KIFC3: variants seen among roughly 807,000 people sequenced by gnomAD.
The protein encoded by KIFC3 is kinesin family member C3.
A neutral mutation model predicts 101.8 loss-of-function variants in KIFC3; 60 were observed. That is an observed-to-expected ratio of 0.59 (90% CI 0.48 to 0.73). The LOEUF is 0.73. Among genes scored for constraint, KIFC3 ranks in the 30% least tolerant of loss-of-function variants. The pLI is 0.00. For synonymous variants in KIFC3, 476 were observed against 482.7 expected (o/e 0.99, Z 0.18); for missense variants, 966 against 1,137.1 (o/e 0.85, Z 2.16).
At chr16:57,774,803 C>T (rs2051818248) in intron 3 of KIFC3, 8 of 1,115,800 alleles carry the variant, frequency 7.2e-6, no homozygotes, top group African/African-American at 4.8e-5. Flanking sequence ...CTGGGATTAC[C>T]GTTGTGAGCC....
chr16:57,760,652 G>A, intron 16 of KIFC3, 74 bp downstream of exon 16: 1 of 1,367,914 alleles, frequency 7.3e-7, no homozygotes, highest in Non-Finnish European at 1.0e-6. Context: ...TGCACAGCCT[G>A]GGGTGACTGG....
chr16:57,822,419 T>G (rs2055367915), intron 1 of KIFC3, among the ~76,000 whole-genome samples: 1 of 152,180 alleles, frequency 6.6e-6, no homozygotes, highest in Non-Finnish European at 1.5e-5. Flanking sequence ...AATGCCAATG[T>G]GGCTGGGCGC....
intron 12 of KIFC3, among the ~76,000 whole-genome samples, chr16:57,763,887 G>A (rs1555600187): frequency 6.6e-6 from 1 of 152,172 alleles, no homozygotes; most frequent in Non-Finnish European, 1.5e-5. Flanking sequence ...TCCCCAAGCC[G>A]AGATCCCTGT....
At chr16:57,790,380 CTTT>C (rs200519923) in intron 3 of KIFC3, among the ~76,000 whole-genome samples, 3 of 129,228 alleles carry the variant, frequency 2.3e-5, no homozygotes, top group Admixed American at 1.6e-4. Flanking sequence ...CCATGCCCAG[CTTT>C]TTTTTTTTTT....
chr16:57,825,780 C>T (rs2055445895), intron 1 of KIFC3, among the ~76,000 whole-genome samples: 1 of 152,184 alleles, frequency 6.6e-6, no homozygotes. Flanking sequence ...CAGTCTCAAA[C>T]AATCTTTCCA....
chr16:57,809,092 C>T (rs2055008641), intron 1 of KIFC3, among the ~76,000 whole-genome samples: 1 of 152,128 alleles, frequency 6.6e-6, no homozygotes. Context: ...AGGAGTTGGT[C>T]AGCCTGGCCA....
chr16:57,777,446 C>T (rs1160988240), intron 3 of KIFC3, among the ~76,000 whole-genome samples: 4 of 152,220 alleles, frequency 2.6e-5, no homozygotes, highest in South Asian at 2.1e-4. Context: ...ATTGGCCAGG[C>T]GCGGTGGCTC....
chr16:57,780,416 T>C (rs948731268), intron 3 of KIFC3, among the ~76,000 whole-genome samples: 4 of 151,630 alleles, frequency 2.6e-5, no homozygotes, highest in Non-Finnish European at 5.9e-5. Context: ...GAGGCTGAAG[T>C]GGGAGAATTC....
In KIFC3 at chr16:57,760,864, GTTGATGTGCTGCGCC is replaced by G; in HGVS notation, c.2079_2093del (p.Glu693_Asn698delinsAsp). On this transcript the variant is annotated inframe_deletion, in exon 16 of 20. Coordinates refer to ENST00000445690, the MANE Select transcript of KIFC3 (RefSeq NM_001130100.2). ...CGTCCCCCAGAGCCGACAGCGACTT[GTTGATGTGCTGCGCC>G]TCCCGCAGGCGGCTGCCCTCGGCCC... The G allele has an allele frequency of 6.2e-7, 1 of 1,612,772 alleles. No homozygotes were observed. The highest frequency in any genetic ancestry group is 1.1e-5 in the South Asian group (1 of 91,086).
chr16:57,816,604 G>T, intron 1 of KIFC3: 1 of 456,712 alleles, frequency 2.2e-6, no homozygotes, highest in Admixed American at 2.3e-5. Context: ...GGTTCCTGAG[G>T]CATCTGCTGA....
At chr16:57,820,293 A>G (rs2055322053) in intron 1 of KIFC3, among the ~76,000 whole-genome samples, 1 of 151,972 alleles carries the variant, frequency 6.6e-6, no homozygotes, top group South Asian at 2.1e-4. Context: ...TTTGAGAGAC[A>G]AGATCTCACT....
chr16:57,769,287 C>T lies in KIFC3; in HGVS notation c.1218+308G>A, dbSNP rs573496965. Among the ~76,000 whole-genome samples, 4 of 152,326 alleles carry T rather than the reference C, an allele frequency of 2.6e-5. No individual in the cohort carries two copies. The highest frequency in any genetic ancestry group is 2.1e-4 in the South Asian group (1 of 4,828). ...CTGACCTCAAGTGATCCGCCTGCCT[C>T]GGCCTCCCAAAGTGTTGGAATTACA... is the stretch of plus-strand genomic sequence containing the variant. On this transcript the variant is annotated intron_variant, in intron 9 of 19. Transcript: ENST00000445690. This position sits in a 1 kb window ranked among gnomAD's most constrained non-coding sequence, Gnocchi z 4.3.
chr16:57,814,144 C>G (rs2055161323), intron 1 of KIFC3, among the ~76,000 whole-genome samples: 3 of 152,144 alleles, frequency 2.0e-5, no homozygotes, highest in Admixed American at 1.3e-4. Context: ...GCCCAGCCTT[C>G]TCTCCCACTG....
At chr16:57,815,382 A>C in intron 1 of KIFC3, 1 of 1,123,328 alleles carries the variant, frequency 8.9e-7, no homozygotes, top group Non-Finnish European at 1.1e-6. Flanking sequence ...CTCTGTGCTT[A>C]GAGATCCACA....
intron 1 of KIFC3, among the ~76,000 whole-genome samples, chr16:57,853,885 G>A (rs1399884309): frequency 1.3e-5 from 2 of 151,984 alleles, no homozygotes; most frequent in East Asian, 1.9e-4. Context: ...CACCCTCCTC[G>A]GCCTCCCAAA....
At chr16:57,816,897 G>C (rs1555628979) in intron 1 of KIFC3, 2 of 379,864 alleles carry the variant, frequency 5.3e-6, no homozygotes, top group Non-Finnish European at 1.0e-5. Context: ...AACCGACCTT[G>C]AACCATAATA....
intron 3 of KIFC3, chr16:57,775,872 C>T: frequency 1.0e-6 from 1 of 985,534 alleles, no homozygotes; most frequent in South Asian, 4.7e-5. Flanking sequence ...CGACACTCCT[C>T]CCGGGCCCAG....
chr16:57,798,366 G>A, intron 1 of KIFC3, 84 bp from the exon 2 acceptor site: 1 of 1,247,056 alleles, frequency 8.0e-7, no homozygotes, highest in Non-Finnish European at 1.1e-6. Flanking sequence ...ATCTGGAAGG[G>A]TCTACGCCCC....
chr16:57,790,860 T>C (rs1252170354), intron 3 of KIFC3: 2 of 974,186 alleles, frequency 2.1e-6, no homozygotes, highest in Non-Finnish European at 2.4e-6. Flanking sequence ...GCAGGCTCCT[T>C]AGCCCAAAAT....
Sources: gnomAD v4.1 joint callset for allele counts (sites outside exome capture counted in the v4.1 genomes callset) on GRCh38, gnomAD v4.1.1 for gene constraint, Gnocchi (gnomAD v3.1) non-coding constraint, MANE v1.5 for transcripts, NCBI Gene and HGNC (gene_info 2026-07-23, HGNC 2026-07-21) for gene names.